Variants in ETV6 observed in about 807,000 individuals in gnomAD.
ETV6 encodes transcription factor ETV6.
In ETV6, 16 loss-of-function variants were observed where a neutral mutation model predicts 51.1. The observed-to-expected ratio is 0.31, with a 90% CI of 0.21 to 0.48. ETV6 has a LOEUF of 0.48. Ranked by LOEUF, ETV6 falls within the 20% of genes least tolerant of loss-of-function variation. The pLI is 0.99. For missense variants in ETV6, 458 were observed against 594.8 expected (o/e 0.77, Z 2.39); for synonymous variants, 240 against 224.1 (o/e 1.07, Z -0.64).
intron 1 of ETV6, among the ~76,000 whole-genome samples, chr12:11,660,815 C>T (rs1266794885): frequency 6.6e-6 from 1 of 152,120 alleles, no homozygotes; most frequent in Non-Finnish European, 1.5e-5. Context: ...TGGCTCACCT[C>T]TGTGGTTTTG....
chr12:11,794,262 G>T (rs1945644869), intron 2 of ETV6, among the ~76,000 whole-genome samples: 1 of 152,142 alleles, frequency 6.6e-6, no homozygotes, highest in African/African-American at 2.4e-5. Flanking sequence ...CTTGGAACTG[G>T]ACATTGGCTA....
At chr12:11,813,642 C>G (rs1248003821) in intron 2 of ETV6, among the ~76,000 whole-genome samples, 1 of 151,934 alleles carries the variant, frequency 6.6e-6, no homozygotes, top group East Asian at 1.9e-4. Context: ...ACGGCCTGCC[C>G]TTTCCTGATT....
At chr12:11,776,484 A>G (rs997338038) in intron 2 of ETV6, among the ~76,000 whole-genome samples, 22 of 151,588 alleles carry the variant, frequency 1.5e-4, no homozygotes, top group African/African-American at 3.9e-4. Context: ...GCCTCAAGCT[A>G]TCCTCCTGCT....
At chr12:11,652,026 A>C (rs1246816201) in intron 1 of ETV6, among the ~76,000 whole-genome samples, 1 of 152,222 alleles carries the variant, frequency 6.6e-6, no homozygotes, top group Non-Finnish European at 1.5e-5. Flanking sequence ...ACCAATCCCA[A>C]GCAAAACGCG....
chr12:11,692,790 G>A (rs1022488721), intron 1 of ETV6, among the ~76,000 whole-genome samples: 85 of 152,236 alleles, frequency 5.6e-4, no homozygotes, highest in African/African-American at 2.0e-3. Context: ...GGTGGTTCAC[G>A]CCTGTAATCG....
At chr12:11,675,832 A>T (rs997858670) in intron 1 of ETV6, among the ~76,000 whole-genome samples, 27 of 151,940 alleles carry the variant, frequency 1.8e-4, no homozygotes, top group African/African-American at 6.3e-4. Flanking sequence ...AAAGGAAGGA[A>T]GGAAAGAGGG....
chr12:11,721,695 A>G (rs1865391185), intron 1 of ETV6, among the ~76,000 whole-genome samples: 1 of 152,224 alleles, frequency 6.6e-6, no homozygotes, highest in African/African-American at 2.4e-5. Context: ...GTCTAAAGTA[A>G]AAGTTGGAAA....
chr12:11,738,677 G>A (rs1188266677), intron 1 of ETV6, among the ~76,000 whole-genome samples: 1 of 152,038 alleles, frequency 6.6e-6, no homozygotes, highest in Non-Finnish European at 1.5e-5. Context: ...GACACCCCAG[G>A]CACAGACATG....
At chr12:11,659,544 G>A (rs998679509) in intron 1 of ETV6, among the ~76,000 whole-genome samples, 12 of 152,146 alleles carry the variant, frequency 7.9e-5, no homozygotes, top group African/African-American at 2.2e-4. Context: ...ATGACAGGCC[G>A]TGTAACTTTA....
intron 2 of ETV6, among the ~76,000 whole-genome samples, chr12:11,760,895 TGTG>T (rs1565515657): frequency 2.1e-5 from 3 of 143,016 alleles, no homozygotes; most frequent in African/African-American, 7.4e-5. Flanking sequence ...TGTGTGTGTG[TGTG>T]TGTGTGTGTG....
rs1007158603 is a variant in ETV6, at chr12:11,752,562, G to A, written c.146G>A (p.Arg49His). Residue 49 changes from arginine to histidine, a missense_variant, in exon 2 of 8, where the codon CGC becomes CAC. Coordinates refer to ENST00000396373, the MANE Select transcript of ETV6 (RefSeq NM_001987.5). ...RALRMEEDSIRLPAHLRLQPI... is the reference protein window; with the variant it reads ...RALRMEEDSIHLPAHLRLQPI... ...CTCAGGATGGAGGAAGACTCGATCC[G>A]CCTGCCTGCGCACCTGCGTGAGTGT... The A allele has an allele frequency of 6.2e-6, 10 of 1,612,482 alleles. No individual in the cohort carries two copies. The highest frequency in any genetic ancestry group is 3.4e-4 in the Middle Eastern group (2 of 5,906).
intron 2 of ETV6, among the ~76,000 whole-genome samples, chr12:11,794,793 CATT>C: frequency 1.3e-5 from 2 of 152,348 alleles, no homozygotes; most frequent in South Asian, 2.1e-4. Flanking sequence ...CTCTAGTTAT[CATT>C]CCATGCAGAC....
At chr12:11,868,611 T>A (rs756560852) in intron 4 of ETV6, among the ~76,000 whole-genome samples, 6 of 151,768 alleles carry the variant, frequency 4.0e-5, no homozygotes, top group Non-Finnish European at 7.4e-5. Flanking sequence ...CCAGGAGTGC[T>A]ATAAGTTTTA....
intron 4 of ETV6, among the ~76,000 whole-genome samples, chr12:11,857,822 G>C (rs1193852274): frequency 1.3e-5 from 2 of 152,196 alleles, no homozygotes; most frequent in Admixed American, 1.3e-4. Context: ...TGTCTCCCCA[G>C]TTATAAGAAG....
At chr12:11,775,757 C>T (rs945845278) in intron 2 of ETV6, among the ~76,000 whole-genome samples, 3 of 152,194 alleles carry the variant, frequency 2.0e-5, no homozygotes, top group African/African-American at 7.2e-5. Flanking sequence ...ACGTGATAAA[C>T]CATACAAGCA....
At chr12:11,681,955 T>C (rs1864538793) in intron 1 of ETV6, among the ~76,000 whole-genome samples, 1 of 152,224 alleles carries the variant, frequency 6.6e-6, no homozygotes, top group Non-Finnish European at 1.5e-5. Context: ...ATATTTTCTT[T>C]ATCCAGTCTA....
chr12:11,676,361 C>A (rs1442009196), intron 1 of ETV6, among the ~76,000 whole-genome samples: 10 of 152,218 alleles, frequency 6.6e-5, no homozygotes, highest in Non-Finnish European at 1.5e-4. Context: ...CTAGACCATT[C>A]CTTGCCCTGA....
chr12:11,748,616 A>G (rs1021728692), intron 1 of ETV6, among the ~76,000 whole-genome samples: 29 of 152,294 alleles, frequency 1.9e-4, no homozygotes, highest in African/African-American at 6.3e-4. Context: ...TTTGGTAATA[A>G]TATTCATTTT....
At chr12:11,736,791 C>T (rs1865709606) in intron 1 of ETV6, among the ~76,000 whole-genome samples, 1 of 152,170 alleles carries the variant, frequency 6.6e-6, no homozygotes, top group South Asian at 2.1e-4. Flanking sequence ...GACAGTTAGA[C>T]TTCAAACTTC....
Sources: allele counts gnomAD v4.1 joint callset (sites outside exome capture counted in the v4.1 genomes callset), GRCh38; gene constraint gnomAD v4.1.1; transcripts MANE v1.5; gene names NCBI Gene and HGNC (gene_info 2026-07-23, HGNC 2026-07-21).